CCDC78: variants seen among roughly 807,000 people sequenced by gnomAD.
CCDC78 encodes coiled-coil domain containing 78, also known as coiled-coil domain-containing protein 78.
In CCDC78, 78 loss-of-function variants were observed where a neutral mutation model predicts 61.9. That is an observed-to-expected ratio of 1.26 (90% CI 1.05 to 1.52). The LOEUF is 1.52. CCDC78 is among the 40% of genes most tolerant of loss of function. CCDC78 has a pLI of 0.00. For missense variants in CCDC78, 737 were observed against 615.5 expected (o/e 1.20, Z -2.09); for synonymous variants, 287 against 251.9 (o/e 1.14, Z -1.32).
chr16:725,520 C>T lies in CCDC78; in HGVS notation c.328G>A (p.Gly110Ser). The T allele has an allele frequency of 6.2e-7, 1 of 1,612,478 alleles. No individual in the cohort carries two copies. Residue 110 changes from glycine to serine, a missense_variant, in exon 4 of 14, where the codon GGC becomes AGC. Transcript: ENST00000345165. ...TCAGACTCCACTGGGACTGCACAGC[C>T]CTGGCTGGTGCCATCTCCTCGCAGC... ...LELRGDGTSQ[G>S]CAVPVESDPR... is the part of the protein sequence containing the mutation.
At position 725,472 on chromosome 16, in the gene CCDC78, C is replaced by T. The variant is rs765644032; in HGVS notation, c.376G>A (p.Ala126Thr). The T allele has an allele frequency of 1.2e-6, 2 of 1,612,760 alleles. No homozygotes were observed. Among genetic ancestry groups the T allele is most frequent in the South Asian group, 1.1e-5 (1 of 91,090 alleles). The change falls in exon 4 of 14, where the codon GCC becomes ACC. Residue 126 changes from alanine (A) to threonine (T), a missense_variant. Coordinates refer to ENST00000345165, the MANE Select transcript of CCDC78 (RefSeq NM_001378030.1). ...ESDPRHPRAA[A>T]QELRHKAQVP... The stretch of plus-strand genomic sequence containing the variant: ...TGGGCTTTGTGTCTGAGCTCTTGGG[C>T]TGCTGCCCGGGGATGCCTGGGGTCA...
rs142133229 is a variant in CCDC78, at chr16:724,691, C to T, written c.755G>A (p.Trp252Ter). Residue 252 changes from tryptophan to a stop codon, truncating the protein, a stop_gained, in exon 8 of 14, where the codon TGG becomes TAG. Transcript: ENST00000345165. LOFTEE classifies it high-confidence loss of function. The part of the protein sequence containing the change: ...EYVLRLQHCA[W>*]QAVEHADGAG... The stretch of plus-strand genomic sequence containing the variant: ...TCCTGCAGGGCTCACCACTGCCTGC[C>T]AGGCGCAGTGTTGCAGCCGTAGGAC... 359 of 1,610,768 alleles carry T rather than the reference C, an allele frequency of 2.2e-4. 1 individual carries two copies. In the African/African-American group the frequency reaches 4.3e-3, roughly 19 times the overall value.
chr16:722,911 C>G lies in CCDC78; in HGVS notation c.1301+11G>C. On this transcript the variant is annotated intron_variant, in intron 13 of 13. Transcript: ENST00000345165. ...AGGGCCCTGGGGTCACACCCAGCTC[C>G]CTCTGCCCACCTGCCCAGGTGCTGG... The G allele has an allele frequency of 6.2e-7, 1 of 1,612,060 alleles. No individual in the cohort carries two copies. Among genetic ancestry groups the G allele is most frequent in the South Asian group, 1.1e-5 (1 of 91,080 alleles).
upstream of CCDC78, chr16:726,506 A>C (rs2040961355): frequency 9.5e-7 from 1 of 1,056,320 alleles, no homozygotes; most frequent in East Asian, 2.6e-5. Context: ...GGCACCGCCC[A>C]CAGGGGCCGG....
Position 722,986 on chromosome 16 carries a change from G to A in CCDC78, c.1237C>T (p.Arg413Trp), listed in dbSNP as rs780967551. The A allele has an allele frequency of 6.7e-5, 108 of 1,612,326 alleles. 1 individual carries two copies. The South Asian group carries it at 9.3e-4, about 14-fold the overall frequency. ...LERERAQLLV[R>W]ATMAEEQLSE... is the part of the protein sequence containing the mutation. ...AGTTGCTCTTCAGCCATCGTGGCCCGGACCAGCAGCTGTGCCCGCTCCCGT... is the reference window on the plus strand; with the variant it reads ...AGTTGCTCTTCAGCCATCGTGGCCCAGACCAGCAGCTGTGCCCGCTCCCGT... The change falls in exon 13 of 14, where the codon CGG (arginine) becomes TGG (tryptophan). Residue 413 changes from arginine to tryptophan, a missense_variant. Physicochemically the swap from Arg to Trp is moderately radical, Grantham distance 101. Transcript: ENST00000345165.
Position 724,953 on chromosome 16 carries a change from C to T in CCDC78, c.597G>A (p.Glu199=). The T allele has an allele frequency of 6.2e-7, 1 of 1,611,194 alleles. No homozygotes were observed. The highest frequency in any genetic ancestry group is 8.5e-7 in the Non-Finnish European group (1 of 1,179,244). ...TLGRQLQGAR[E]EARAAGQRLA... is the part of the protein sequence containing the mutation. ...GTCGCTGCCCGGCTGCCCTGGCCTC[C>T]TCTCGGGCTCCCTGCAGCTGCCGGC... The change falls in exon 7 of 14, where the codon GAG becomes GAA. Residue 199 remains glutamate (E), a synonymous_variant. Coordinates refer to ENST00000345165, the MANE Select transcript of CCDC78 (RefSeq NM_001378030.1).
rs771003510 is a variant in CCDC78, at chr16:724,748, T to TGCAGCC, written c.692_697dup (p.Arg231_Leu232dup). The TGCAGCC allele has an allele frequency of 6.2e-7, 1 of 1,612,112 alleles. No individual in the cohort carries two copies. The highest frequency in any genetic ancestry group is 1.3e-5 in the African/African-American group (1 of 74,932). ...ATCCTTCAGTTTCTTGAGCTGCAGC[T>TGCAGCC]GCAGCCGGGCATTTTCAGCCTCTGC... On this transcript the variant is annotated inframe_insertion, in exon 8 of 14. Transcript: ENST00000345165.
In CCDC78 at chr16:724,367, A is replaced by G; in HGVS notation, c.908T>C (p.Leu303Pro). 1 of 1,612,338 alleles carries G rather than the reference A, an allele frequency of 6.2e-7. No homozygotes were observed. Among genetic ancestry groups the G allele is most frequent in the Non-Finnish European group, 8.5e-7 (1 of 1,179,904 alleles). ...ARAARSYHKR[L>P]VDLSRRHEEL... ...TTCATGCCTGCGGCTCAGATCCACC[A>G]GCCTCTTGTGGTAGCTGCGGGCAGC... Residue 303 changes from leucine to proline, a missense_variant, in exon 9 of 14, where the codon CTG becomes CCG. Leu to Pro is a moderately conservative substitution (Grantham distance 98). Coordinates refer to ENST00000345165, the MANE Select transcript of CCDC78 (RefSeq NM_001378030.1).
At chr16:723,494 C>A in intron 11 of CCDC78, 1 of 676,382 alleles carries the variant, frequency 1.5e-6, no homozygotes, top group Non-Finnish European at 2.7e-6. Flanking sequence ...GGGAGCCCTG[C>A]CCATTGTACA....
intron 11 of CCDC78, chr16:723,635 G>C (rs1165305636): frequency 4.3e-6 from 3 of 697,508 alleles, no homozygotes; most frequent in Non-Finnish European, 7.8e-6. Flanking sequence ...CGTGTTCAAG[G>C]CCAGCTCCAC....
rs2040684107 is a variant in CCDC78 at position 724,790 on chromosome 16, T to C, written c.656A>G (p.Gln219Arg). The C allele has an allele frequency of 4.3e-6, 7 of 1,612,060 alleles. No individual in the cohort carries two copies. The highest frequency in any genetic ancestry group is 1.3e-5 in the African/African-American group (1 of 74,928). ...ATQAVVLCSCQGQLRQAEAEN... is the reference protein window; with the variant it reads ...ATQAVVLCSCRGQLRQAEAEN... ...AGCCTCTGCCTGACGGAGCTGGCCT[T>C]GGCAGCTGCACAGCACCTGGGGTGG... Residue 219 changes from glutamine (Q) to arginine (R), a missense_variant, in exon 8 of 14, where the codon CAA (glutamine) becomes CGA (arginine). By Grantham distance (43) the Gln-to-Arg change is conservative. Transcript: ENST00000345165.
chr16:723,155 C>A lies in CCDC78; in HGVS notation c.1140G>T (p.Leu380=). The A allele has an allele frequency of 6.2e-7, 1 of 1,612,556 alleles. No individual in the cohort carries two copies. Among genetic ancestry groups the A allele is most frequent in the East Asian group, 2.2e-5 (1 of 44,884 alleles). ...SQGGTSEPQG[L]DAASWAQIHQ... ...GGATCTGGGCCCAGGATGCAGCGTC[C>A]AGGCCCCTGTGAGGGGAGAGGAAAG... Residue 380 remains leucine, a synonymous_variant, in exon 12 of 14, where the codon CTG becomes CTT. Transcript: ENST00000345165.
chr16:722,735 C>G lies in CCDC78; in HGVS notation c.1356G>C (p.Trp452Cys). The change falls in exon 14 of 14, where the codon TGG becomes TGC. Residue 452 changes from tryptophan to cysteine, a missense_variant. Transcript: ENST00000345165. ...TGGCTGGAGGCACAGCCCCCACTTT[C>G]CAGGGGTCCCCTGCACCTGCCAGCT... ...LRKLAGAGDP[W>C]KVGAVPPAKP... The G allele has an allele frequency of 1.2e-6, 2 of 1,611,750 alleles. No individual in the cohort carries two copies. Among genetic ancestry groups the G allele is most frequent in the Non-Finnish European group, 1.7e-6 (2 of 1,179,940 alleles).
At position 725,605 on chromosome 16, in the gene CCDC78, G is replaced by A. The variant is rs61750931; in HGVS notation, c.268-25C>T. The A allele has an allele frequency of 0.01, 16,078 of 1,599,206 alleles. 1,449 individuals carry two copies. In the African/African-American group the frequency reaches 0.19, roughly 19 times the overall value. On this transcript the variant is annotated intron_variant, in intron 3 of 13. Transcript: ENST00000345165. ...TCTGTGGGACAACTGGCATGAGCAG[G>A]TGCACCTGCCCGCGGGCCACCTGGG...
chr16:726,721 G>A, upstream of CCDC78: 1 of 428,026 alleles, frequency 2.3e-6, no homozygotes. Context: ...AGCTACACTC[G>A]CTGGACACCT....
Position 724,740 on chromosome 16 carries a change from G to A in CCDC78, c.706C>T (p.Leu236Phe), listed in dbSNP as rs776048823. The change falls in exon 8 of 14, where the codon CTC (leucine) becomes TTC (phenylalanine). Residue 236 changes from leucine (L) to phenylalanine (F), a missense_variant. By Grantham distance (22) the Leu-to-Phe change is conservative. Coordinates refer to ENST00000345165, the MANE Select transcript of CCDC78 (RefSeq NM_001378030.1). The stretch of plus-strand genomic sequence containing the variant: ...ACGTACTCATCCTTCAGTTTCTTGA[G>A]CTGCAGCTGCAGCCGGGCATTTTCA... The part of the protein sequence containing the change: ...EAENARLQLQ[L>F]KKLKDEYVLR... 2.3e-5 allele frequency: 37 copies of A among 1,612,102 alleles called. No homozygotes were observed. Among genetic ancestry groups the A allele is most frequent in the Non-Finnish European group, 3.1e-5 (36 of 1,179,750 alleles).
chr16:724,443 G>A lies in CCDC78; in HGVS notation c.832C>T (p.Leu278=), dbSNP rs201042133. The A allele has an allele frequency of 2.6e-5, 42 of 1,605,648 alleles. No individual in the cohort carries two copies. The African/African-American group carries it at 3.2e-4, about 12-fold the overall frequency. The change falls in exon 9 of 14, where the codon CTG becomes TTG. Residue 278 remains leucine, a synonymous_variant. Coordinates refer to ENST00000345165, the MANE Select transcript of CCDC78 (RefSeq NM_001378030.1). ...CGGTGCGCTGCCCGGATGTCCTCCA[G>A]AGTCGCCTCCAGGAATGTCCGGAGG... is the stretch of plus-strand genomic sequence containing the variant. ...TALRTFLEAT[L]EDIRAAHRSR...
At chr16:723,981 C>T (rs750761047) in intron 10 of CCDC78, 45 bp from the exon 11 acceptor site, 18 of 1,592,894 alleles carry the variant, frequency 1.1e-5, no homozygotes, top group Non-Finnish European at 1.5e-5. Flanking sequence ...CTGAACAAGG[C>T]AAGCCCCTCA....
At chr16:725,179 C>T in intron 5 of CCDC78, 34 bp from the exon 6 acceptor site, 1 of 1,612,182 alleles carries the variant, frequency 6.2e-7, no homozygotes, top group Non-Finnish European at 8.5e-7. Flanking sequence ...GGATGAGACC[C>T]TAGGCTTGGG....
Sources: gnomAD v4.1 joint callset for allele counts on GRCh38, gnomAD v4.1.1 for gene constraint, MANE v1.5 for transcripts, NCBI Gene and HGNC (gene_info 2026-07-23, HGNC 2026-07-21) for gene names.